The following CLSTN2 variants were observed in gnomAD, a reference collection of about 807,000 sequenced individuals.
The protein encoded by CLSTN2 is calsyntenin-2.
In CLSTN2, 48 loss-of-function variants were observed where a neutral mutation model predicts 101.2. The ratio of observed to expected loss-of-function variants is 0.47; its 90% CI spans 0.38 to 0.60. CLSTN2 has a LOEUF of 0.60. CLSTN2 is among the 20% of genes least tolerant of loss of function. The pLI is 0.00. For missense variants in CLSTN2, 1,160 were observed against 1,238.2 expected (o/e 0.94, Z 0.95); for synonymous variants, 481 against 463.6 (o/e 1.04, Z -0.48).
At chr3:139,939,927 CCT>C (rs904231809) in intron 1 of CLSTN2, among the ~76,000 whole-genome samples, 6 of 152,284 alleles carry the variant, frequency 3.9e-5, no homozygotes, top group Admixed American at 3.9e-4. Context: ...GTGCCCTTTA[CCT>C]CTCTTGGATT....
chr3:140,511,228 A>G (rs9832511), intron 8 of CLSTN2, among the ~76,000 whole-genome samples: 110,381 of 152,154 alleles, frequency 0.73, 42,489 homozygotes, highest in Middle Eastern at 0.91. Flanking sequence ...ATAGTATTCC[A>G]TGGTGTATAC....
At chr3:140,313,258 T>C (rs1252323431) in intron 2 of CLSTN2, among the ~76,000 whole-genome samples, 1 of 152,312 alleles carries the variant, frequency 6.6e-6, no homozygotes. Flanking sequence ...TTAATCTTCA[T>C]AATAACACTG....
chr3:140,067,748 G>A (rs138503465), intron 1 of CLSTN2, among the ~76,000 whole-genome samples: 9 of 152,274 alleles, frequency 5.9e-5, no homozygotes, highest in Non-Finnish European at 1.0e-4. Context: ...TGGGAGAGAC[G>A]GGGCTGCTTC....
chr3:140,216,547 C>T (rs2010923642), intron 2 of CLSTN2, among the ~76,000 whole-genome samples: 1 of 152,074 alleles, frequency 6.6e-6, no homozygotes, highest in Non-Finnish European at 1.5e-5. Flanking sequence ...GTGACTCTTA[C>T]AAAAATTAAA....
In CLSTN2 at chr3:140,567,109, A is replaced by G. The variant is rs768944772; in HGVS notation, c.*856A>G. 6.5e-6 allele frequency: 1 copy of G among 153,182 alleles called. No homozygotes were observed. The highest frequency in any genetic ancestry group is 1.5e-5 in the Non-Finnish European group (1 of 68,786). 9.5% of individuals were successfully genotyped at this position (153,182 alleles called of 1,614,324 possible). On this transcript the variant is annotated 3_prime_UTR_variant, in exon 17 of 17. Transcript: ENST00000458420. ...CAGTCACAACAAGGACAACAAGGAC[A>G]CAACACAACACACAACAAGGACAGT...
intron 8 of CLSTN2, among the ~76,000 whole-genome samples, chr3:140,530,491 T>A (rs1383126553): frequency 6.6e-6 from 1 of 152,224 alleles, no homozygotes; most frequent in Non-Finnish European, 1.5e-5. Context: ...GGAAAAACAT[T>A]GTAATGTTGA....
chr3:140,032,322 C>A (rs2007570490), intron 1 of CLSTN2, among the ~76,000 whole-genome samples: 1 of 148,284 alleles, frequency 6.7e-6, no homozygotes, highest in Non-Finnish European at 1.5e-5. Flanking sequence ...AGATCAAGGG[C>A]TAACAAGTAC....
At chr3:140,071,569 C>G (rs982426917) in intron 1 of CLSTN2, among the ~76,000 whole-genome samples, 6 of 152,194 alleles carry the variant, frequency 3.9e-5, no homozygotes, top group African/African-American at 1.4e-4. Flanking sequence ...CAGTGGCTCA[C>G]GCCTGTAATC....
intron 1 of CLSTN2, among the ~76,000 whole-genome samples, chr3:139,961,998 A>G (rs1336635993): frequency 6.6e-6 from 1 of 152,130 alleles, no homozygotes; most frequent in Non-Finnish European, 1.5e-5. Context: ...TGGCTACATA[A>G]TATTTCAATA....
intron 2 of CLSTN2, among the ~76,000 whole-genome samples, chr3:140,311,755 T>C (rs1159403387): frequency 1.3e-5 from 2 of 152,020 alleles, no homozygotes; most frequent in Non-Finnish European, 2.9e-5. Context: ...AGACATGGGG[T>C]GTTGACAAAA....
chr3:140,053,626 T>C (rs186008150), intron 1 of CLSTN2, among the ~76,000 whole-genome samples: 1 of 152,334 alleles, frequency 6.6e-6, no homozygotes, highest in Admixed American at 6.5e-5. Flanking sequence ...TTTGACTGTC[T>C]GCTCTCTGTC....
chr3:140,031,749 G>A (rs922668769), intron 1 of CLSTN2, among the ~76,000 whole-genome samples: 1 of 152,172 alleles, frequency 6.6e-6, no homozygotes, highest in Admixed American at 6.5e-5. Flanking sequence ...TTAGAGCTGG[G>A]TCCCCAACTG....
chr3:140,367,196 A>G (rs919966840), intron 2 of CLSTN2, among the ~76,000 whole-genome samples: 7 of 152,136 alleles, frequency 4.6e-5, no homozygotes, highest in Non-Finnish European at 5.9e-5. Flanking sequence ...CAATTATGGA[A>G]CTTAGACGCT....
chr3:140,003,414 A>G (rs1477314487), intron 1 of CLSTN2, among the ~76,000 whole-genome samples: 1 of 152,142 alleles, frequency 6.6e-6, no homozygotes, highest in African/African-American at 2.4e-5. Flanking sequence ...CTGAAACTTT[A>G]CTGAATTTGT....
At chr3:140,500,235 A>G (rs1269194340) in intron 8 of CLSTN2, among the ~76,000 whole-genome samples, 2 of 152,114 alleles carry the variant, frequency 1.3e-5, no homozygotes, top group Non-Finnish European at 2.9e-5. Flanking sequence ...TATAACACTC[A>G]GGCATTTCTT....
At chr3:140,541,100 C>T (rs1378803231) in intron 9 of CLSTN2, among the ~76,000 whole-genome samples, 1 of 152,130 alleles carries the variant, frequency 6.6e-6, no homozygotes, top group Non-Finnish European at 1.5e-5. Flanking sequence ...CCATCCCCCT[C>T]CAAGAAATTC....
intron 1 of CLSTN2, among the ~76,000 whole-genome samples, chr3:140,104,327 T>C (rs929610580): frequency 6.6e-6 from 1 of 152,200 alleles, no homozygotes; most frequent in African/African-American, 2.4e-5. Flanking sequence ...TGGAAGATCA[T>C]TGTTCTTCTC....
At chr3:139,948,471 A>G (rs1935245958) in intron 1 of CLSTN2, among the ~76,000 whole-genome samples, 1 of 152,004 alleles carries the variant, frequency 6.6e-6, no homozygotes, top group Non-Finnish European at 1.5e-5. Flanking sequence ...TCAAGAAAAA[A>G]AAAAGCAAAG....
At chr3:140,195,738 T>A (rs2010634648) in intron 2 of CLSTN2, among the ~76,000 whole-genome samples, 1 of 152,166 alleles carries the variant, frequency 6.6e-6, no homozygotes, top group Non-Finnish European at 1.5e-5. Context: ...GCTGACTGTA[T>A]TTCACTCCAG....
Sources: allele counts gnomAD v4.1 joint callset (sites outside exome capture counted in the v4.1 genomes callset), GRCh38; gene constraint gnomAD v4.1.1; transcripts MANE v1.5; gene names NCBI Gene and HGNC (gene_info 2026-07-23, HGNC 2026-07-21).